TMTC1: variants seen among roughly 807,000 people sequenced by gnomAD.
TMTC1 encodes the protein protein O-mannosyl-transferase TMTC1.
TMTC1 carries 73 observed loss-of-function variants against 104.8 expected under a neutral mutation model. The observed-to-expected ratio is 0.70, with a 90% confidence interval of 0.58 to 0.85. TMTC1 has a LOEUF of 0.85. Ranked by LOEUF, TMTC1 falls within the 40% of genes least tolerant of loss-of-function variation. The probability of loss-of-function intolerance (pLI) is 0.00; values close to 1 mark genes in which losing one functional copy is unlikely to be tolerated. For missense variants in TMTC1, 1,035 were observed against 1,096.1 expected (o/e 0.94, Z 0.79); for synonymous variants, 434 against 428.7 (o/e 1.01, Z -0.15).
At chr12:29,755,559 T>C (rs1943194160) in intron 4 of TMTC1, 150 bp downstream of exon 4, 1 of 640,846 alleles carries the variant, frequency 1.6e-6, no homozygotes. Context: ...CTTATCTTAA[T>C]GAAATAAGCC....
At position 29,530,054 on chromosome 12, in the gene TMTC1, G is replaced by A. The variant is rs1428443616; in HGVS notation, c.1785+6155C>T. 4 of 152,308 alleles carry A rather than the reference G, an allele frequency of 2.6e-5. No homozygotes were observed. In the East Asian group the frequency reaches 7.7e-4, roughly 29 times the overall value. 9.4% of individuals were successfully genotyped at this position (152,308 alleles called of 1,614,324 possible). A position where few individuals can be genotyped will look rare whatever the true frequency, so the allele number is the denominator to read the frequency against. Reference sequence around the variant, plus strand: ...CATTTGCATATAATTGCAGCTTCCTGATACTTTAGACTTTTCTCATGCCAT... The same window carrying A: ...CATTTGCATATAATTGCAGCTTCCTAATACTTTAGACTTTTCTCATGCCAT... On this transcript the variant is annotated intron_variant, in intron 11 of 17. Transcript: ENST00000539277.
intron 9 of TMTC1, among the ~76,000 whole-genome samples, chr12:29,560,273 C>G (rs1945345506): frequency 6.6e-6 from 1 of 152,166 alleles, no homozygotes; most frequent in African/African-American, 2.4e-5. Context: ...ATTTTTCAGG[C>G]CTGTTTGTAA....
rs115824469 is a variant in TMTC1, at chr12:29,539,954, C to A, written c.1677-3637G>T. Among the ~76,000 whole-genome samples the A allele has an allele frequency of 8.9e-3, 1,348 of 152,274 alleles. 26 individuals carry two copies. The highest frequency in any genetic ancestry group is 0.031 in the African/African-American group (1,279 of 41,540). ...TCTCCTTCCTATTCAACTCTGGTTC[C>A]CAGAGACACCTTCCCTGACTTGCCC... On this transcript the variant is annotated intron_variant, in intron 10 of 17. Coordinates refer to ENST00000539277, the MANE Select transcript of TMTC1 (RefSeq NM_001193451.2).
intron 5 of TMTC1, among the ~76,000 whole-genome samples, chr12:29,682,362 C>T (rs1301466730): frequency 6.6e-6 from 1 of 152,086 alleles, no homozygotes; most frequent in Non-Finnish European, 1.5e-5. Flanking sequence ...TACCATAAAG[C>T]CCATCAGTTG....
chr12:29,751,416 C>A (rs1396662865), intron 5 of TMTC1, among the ~76,000 whole-genome samples: 1 of 152,074 alleles, frequency 6.6e-6, no homozygotes, highest in Non-Finnish European at 1.5e-5. Context: ...GCTGCAGGGA[C>A]CCACACCCCA....
At chr12:29,697,096 T>C (rs187861864) in intron 5 of TMTC1, among the ~76,000 whole-genome samples, 35 of 152,350 alleles carry the variant, frequency 2.3e-4, no homozygotes, top group African/African-American at 8.2e-4. Context: ...CTTTGAGTAA[T>C]GCCTGGCATA....
chr12:29,685,673 A>T (rs1209771955), intron 5 of TMTC1, among the ~76,000 whole-genome samples: 1 of 152,126 alleles, frequency 6.6e-6, no homozygotes, highest in African/African-American at 2.4e-5. Context: ...GCAATACAGC[A>T]AGTAATATTG....
At chr12:29,611,288 A>C (rs1946840413) in intron 6 of TMTC1, among the ~76,000 whole-genome samples, 2 of 151,958 alleles carry the variant, frequency 1.3e-5, no homozygotes, top group South Asian at 4.1e-4. Context: ...CTCTCACAAC[A>C]GCAATTACCT....
At chr12:29,619,183 G>A (rs1328508417) in intron 6 of TMTC1, among the ~76,000 whole-genome samples, 1 of 152,176 alleles carries the variant, frequency 6.6e-6, no homozygotes, top group African/African-American at 2.4e-5. Context: ...CAACTGGGGG[G>A]TAAATAAAAG....
intron 5 of TMTC1, among the ~76,000 whole-genome samples, chr12:29,744,116 G>A (rs186633184): frequency 9.2e-5 from 14 of 152,292 alleles, no homozygotes; most frequent in African/African-American, 2.9e-4. Flanking sequence ...TTCAACATAT[G>A]TCCCTGTGCA....
chr12:29,559,542 G>A (rs1424108720), intron 9 of TMTC1, among the ~76,000 whole-genome samples: 1 of 152,304 alleles, frequency 6.6e-6, no homozygotes, highest in African/African-American at 2.4e-5. Context: ...AAACAGAAGC[G>A]CTATAAGAGA....
rs1943894175 is a variant in TMTC1 at position 29,783,718 on chromosome 12, C to T, written c.34G>A (p.Gly12Arg). 7 of 1,213,924 alleles carry T rather than the reference C, an allele frequency of 5.8e-6. No homozygotes were observed. Among genetic ancestry groups the T allele is most frequent in the Middle Eastern group, 6.5e-4 (2 of 3,068 alleles). The allele number at this position is 1,213,924 out of a possible 1,614,324, so 75.2% of individuals were successfully genotyped here. The change falls in exon 1 of 18, where the codon GGG becomes AGG. Residue 12 changes from glycine (G) to arginine (R), a missense_variant. Transcript: ENST00000539277. This position sits in a 1 kb window ranked among gnomAD's most constrained non-coding sequence, Gnocchi z 4.7. ...VVTTSARGGGGDRTPSRRRGC... is the reference protein window; with the variant it reads ...VVTTSARGGGRDRTPSRRRGC... ...CGCCGCCGGGAGGGTGTGCGGTCCC[C>T]GCCGCCGCCTCGGGCAGAGGTGGTC... is the stretch of plus-strand genomic sequence containing the variant.
intron 5 of TMTC1, among the ~76,000 whole-genome samples, chr12:29,727,463 G>A (rs1485311954): frequency 2.0e-5 from 3 of 152,170 alleles, no homozygotes; most frequent in East Asian, 1.9e-4. Context: ...TGCAAGCTCC[G>A]CCTCCTGGGT....
chr12:29,715,414 T>C lies in TMTC1; in HGVS notation c.938+36252A>G, dbSNP rs528270919. Among the ~76,000 whole-genome samples, 213 of 152,314 alleles carry C rather than the reference T, an allele frequency of 1.4e-3. 2 individuals carry two copies. Among genetic ancestry groups the C allele is most frequent in the African/African-American group, 4.6e-3 (193 of 41,576 alleles). ...AACTCAGATTCACTCCAGCAATAAA[T>C]AATAGTTAGCATTTAATACATAAGC... On this transcript the variant is annotated intron_variant, in intron 5 of 17. Coordinates refer to ENST00000539277, the MANE Select transcript of TMTC1 (RefSeq NM_001193451.2).
intron 11 of TMTC1, 199 bp from the exon 12 acceptor site, chr12:29,520,919 A>C (rs1420654327): frequency 3.7e-6 from 2 of 533,788 alleles, no homozygotes; most frequent in African/African-American, 1.9e-5. Flanking sequence ...CCCAAAATTC[A>C]TATCTGTATT....
intron 16 of TMTC1, among the ~76,000 whole-genome samples, chr12:29,512,807 C>T (rs1386372469): frequency 6.6e-6 from 1 of 152,096 alleles, no homozygotes; most frequent in Non-Finnish European, 1.5e-5. Flanking sequence ...TGTTTTGTAT[C>T]AAAGGTGTGC....
chr12:29,769,189 T>A (rs1200425249), intron 1 of TMTC1, among the ~76,000 whole-genome samples: 4 of 152,214 alleles, frequency 2.6e-5, no homozygotes, highest in Non-Finnish European at 5.9e-5. Context: ...AGCTTTAACC[T>A]ACAGAATTTT....
intron 6 of TMTC1, 134 bp downstream of exon 6, chr12:29,633,013 C>T: frequency 1.4e-6 from 1 of 718,608 alleles, no homozygotes. Context: ...ATGTTATTAC[C>T]CGCTACAAAA....
At chr12:29,554,615 T>A (rs929939637) in intron 10 of TMTC1, among the ~76,000 whole-genome samples, 1 of 152,168 alleles carries the variant, frequency 6.6e-6, no homozygotes, top group African/African-American at 2.4e-5. Context: ...ATGCCTATAA[T>A]CCCGGTACTT....
Sources: allele counts gnomAD v4.1 joint callset (sites outside exome capture counted in the v4.1 genomes callset), GRCh38; gene constraint gnomAD v4.1.1; non-coding constraint Gnocchi (gnomAD v3.1); transcripts MANE v1.5; gene names NCBI Gene and HGNC (gene_info 2026-07-23, HGNC 2026-07-21).